Variants in RASAL2 observed in about 807,000 individuals in gnomAD.
The protein encoded by RASAL2 is ras GTPase-activating protein nGAP.
A neutral mutation model predicts 128.9 loss-of-function variants in RASAL2; 58 were observed. The observed-to-expected ratio is 0.45, with a 90% CI of 0.36 to 0.56. The LOEUF is 0.56. Among genes scored for constraint, RASAL2 ranks in the 20% least tolerant of loss-of-function variants. The pLI is 0.00. For synonymous variants in RASAL2, 561 were observed against 580.8 expected (o/e 0.97, Z 0.49); for missense variants, 1,360 against 1,601.6 (o/e 0.85, Z 2.57).
intron 3 of RASAL2, among the ~76,000 whole-genome samples, chr1:178,310,879 G>C (rs1668213614): frequency 6.6e-6 from 1 of 152,190 alleles, no homozygotes; most frequent in Admixed American, 6.5e-5. Flanking sequence ...ATTTGTGGAA[G>C]TCATTTGTAT....
At chr1:178,463,710 A>G (rs983744673) in intron 14 of RASAL2, among the ~76,000 whole-genome samples, 4 of 152,078 alleles carry the variant, frequency 2.6e-5, no homozygotes, top group African/African-American at 9.7e-5. Context: ...ACTGGTGCAA[A>G]AGTAATTGCA....
At chr1:178,234,656 A>G (rs16852613) in intron 1 of RASAL2, among the ~76,000 whole-genome samples, 7,464 of 152,182 alleles carry the variant, frequency 0.049, 264 homozygotes, top group African/African-American at 0.1. Context: ...CTTGGGGCCT[A>G]TGTTTTTTAA....
intron 3 of RASAL2, among the ~76,000 whole-genome samples, chr1:178,310,472 A>T (rs1001298215): frequency 7.3e-5 from 11 of 149,852 alleles, no homozygotes; most frequent in Non-Finnish European, 7.4e-5. Context: ...TGAATAAAAT[A>T]AAAAAAAACT....
intron 3 of RASAL2, among the ~76,000 whole-genome samples, chr1:178,332,581 C>G (rs1424750221): frequency 6.6e-6 from 1 of 151,476 alleles, no homozygotes; most frequent in Non-Finnish European, 1.5e-5. Context: ...TCTTTATTTC[C>G]TTGTATGAGG....
intron 1 of RASAL2, among the ~76,000 whole-genome samples, chr1:178,231,636 G>GT (rs899236646): frequency 1.5e-4 from 22 of 151,166 alleles, no homozygotes; most frequent in African/African-American, 1.9e-4. Context: ...CTCACTCACA[G>GT]TTTTTTTTTA....
Position 178,464,369 on chromosome 1 carries a change from A to G in RASAL2, c.3344A>G (p.Glu1115Gly), listed in dbSNP as rs575989898. The G allele has an allele frequency of 6.2e-7, 1 of 1,613,820 alleles. No homozygotes were observed. Among genetic ancestry groups the G allele is most frequent in the Non-Finnish European group, 8.5e-7 (1 of 1,179,818 alleles). The part of the protein sequence containing the change: ...LNNGQYEEDV[E>G]ETEQNLDEAK... ...AATGGGCAGTATGAAGAGGATGTGGAAGAAACTGAGCAAAATCTAGATGAA... is the reference window on the plus strand; with the variant it reads ...AATGGGCAGTATGAAGAGGATGTGGGAGAAACTGAGCAAAATCTAGATGAA... Residue 1115 changes from glutamate to glycine, a missense_variant, in exon 15 of 18, where the codon GAA (glutamate) becomes GGA (glycine). Glu to Gly is a moderately conservative substitution (Grantham distance 98). Coordinates refer to ENST00000367649, the MANE Select transcript of RASAL2 (RefSeq NM_170692.4).
intron 10 of RASAL2, 79 bp downstream of exon 10, chr1:178,451,794 A>C: frequency 6.8e-7 from 1 of 1,477,530 alleles, no homozygotes. Flanking sequence ...TTCATGTAAA[A>C]GTCATCACAA....
At position 178,441,632 on chromosome 1, in the gene RASAL2, A is replaced by G. The variant is rs1415998559; in HGVS notation, c.912A>G (p.Thr304=). The G allele has an allele frequency of 1.2e-6, 2 of 1,611,426 alleles. No individual in the cohort carries two copies. Among genetic ancestry groups the G allele is most frequent in the Non-Finnish European group, 1.7e-6 (2 of 1,178,096 alleles). ...AGTGGATGGAAAACCTTCGCAGGAC[A>G]GTTCAACCTAATAAGGTAATAGTAG... ...RDKWMENLRR[T]VQPNKDNCRR... is the part of the protein sequence containing the mutation. The change falls in exon 7 of 18, where the codon ACA becomes ACG. Residue 304 remains threonine (T), a synonymous_variant. Transcript: ENST00000367649.
At chr1:178,443,351 G>T in intron 8 of RASAL2, 122 bp downstream of exon 8, 1 of 888,196 alleles carries the variant, frequency 1.1e-6, no homozygotes, top group Non-Finnish European at 1.6e-6. Flanking sequence ...AAAACAAGAA[G>T]AATTAAGAAG....
chr1:178,302,896 A>G (rs946104823), intron 3 of RASAL2, among the ~76,000 whole-genome samples: 4 of 152,132 alleles, frequency 2.6e-5, no homozygotes, highest in Admixed American at 2.0e-4. Flanking sequence ...ATGTGCCTGT[A>G]GTCCCAGTTA....
chr1:178,456,359 C>G (rs1040113366), intron 12 of RASAL2: 13 of 287,808 alleles, frequency 4.5e-5, no homozygotes, highest in African/African-American at 2.1e-4. Context: ...TCCACCCTCC[C>G]CCACCTTGAT....
rs1160089714 is a variant in RASAL2 at position 178,438,933 on chromosome 1, T to G, written c.675-489T>G. On this transcript the variant is annotated intron_variant, in intron 5 of 17. Transcript: ENST00000367649. ...TGTGTGTGTGTGTGTGTGTGTGTGT[T>G]TTGCCAAAGTAGAAAGAAACAAAAT... 4.7e-5 allele frequency among the ~76,000 whole-genome samples: 4 copies of G among 84,214 alleles called. No homozygotes were observed. The South Asian group carries it at 1.9e-3, about 41-fold the overall frequency. 55.2% of individuals were successfully genotyped at this position (84,214 alleles called of 152,430 possible).
At chr1:178,306,151 G>A (rs1667975286) in intron 3 of RASAL2, among the ~76,000 whole-genome samples, 1 of 152,112 alleles carries the variant, frequency 6.6e-6, no homozygotes, top group Admixed American at 6.5e-5. Context: ...TGCGGTGTTT[G>A]GTTTTTTGTT....
intron 2 of RASAL2, among the ~76,000 whole-genome samples, chr1:178,291,433 G>GC (rs1667276400): frequency 6.6e-6 from 1 of 152,168 alleles, no homozygotes; most frequent in South Asian, 2.1e-4. Context: ...GGGATTAGAA[G>GC]CAAATAGATG....
chr1:178,408,270 T>C (rs1674116049), intron 4 of RASAL2, among the ~76,000 whole-genome samples: 1 of 152,218 alleles, frequency 6.6e-6, no homozygotes, highest in Admixed American at 6.5e-5. Flanking sequence ...GAAATCAGTT[T>C]ATTTACATTC....
chr1:178,371,170 A>G (rs1671676954), intron 3 of RASAL2, among the ~76,000 whole-genome samples: 1 of 151,750 alleles, frequency 6.6e-6, no homozygotes, highest in Non-Finnish European at 1.5e-5. Context: ...CTTAAGTCAA[A>G]CCATGAAAAT....
At chr1:178,288,072 A>G (rs564703033) in intron 2 of RASAL2, among the ~76,000 whole-genome samples, 2 of 152,356 alleles carry the variant, frequency 1.3e-5, no homozygotes, top group East Asian at 3.9e-4. Flanking sequence ...TATGTTCAGC[A>G]TAATCATAAC....
intron 3 of RASAL2, among the ~76,000 whole-genome samples, chr1:178,301,757 A>G (rs1667777585): frequency 6.6e-6 from 1 of 152,176 alleles, no homozygotes; most frequent in African/African-American, 2.4e-5. Context: ...CCAATTTTCT[A>G]GGAACCTTTC....
At chr1:178,176,653 A>G (rs1337556125) in intron 1 of RASAL2, among the ~76,000 whole-genome samples, 2 of 148,632 alleles carry the variant, frequency 1.3e-5, no homozygotes, top group Admixed American at 6.8e-5. Context: ...AGAGAGAGAG[A>G]CAGACAGACA....
Sources: gnomAD v4.1 joint callset for allele counts (sites outside exome capture counted in the v4.1 genomes callset) on GRCh38, gnomAD v4.1.1 for gene constraint, MANE v1.5 for transcripts, NCBI Gene and HGNC (gene_info 2026-07-23, HGNC 2026-07-21) for gene names.